The following LRP1B variants were observed in gnomAD, a reference collection of about 807,000 sequenced individuals.
The protein encoded by LRP1B is low-density lipoprotein receptor-related protein 1B.
Under a neutral mutation model 556.6 loss-of-function variants are expected in LRP1B, and 217 were observed. The observed-to-expected ratio is 0.39, with a 90% confidence interval of 0.35 to 0.44. The LOEUF (loss-of-function observed/expected upper bound fraction) is 0.44, where lower values mean the gene tolerates loss of function less well. Ranked by LOEUF, LRP1B falls within the 20% of genes least tolerant of loss-of-function variation. The pLI is 1.00. For missense variants in LRP1B, 5,053 were observed against 5,620.8 expected (o/e 0.90, Z 3.23); for synonymous variants, 2,047 against 1,865.8 (o/e 1.10, Z -2.50).
intron 2 of LRP1B, among the ~76,000 whole-genome samples, chr2:141,699,433 G>A (rs1443769216): frequency 2.6e-5 from 4 of 151,820 alleles, no homozygotes; most frequent in East Asian, 1.9e-4. Context: ...TGTTGATAGT[G>A]AACCCAATGA....
At chr2:141,441,337 C>T (rs1024155993) in intron 3 of LRP1B, among the ~76,000 whole-genome samples, 10 of 152,124 alleles carry the variant, frequency 6.6e-5, no homozygotes, top group South Asian at 2.1e-4. Flanking sequence ...CTCGGCCTCC[C>T]AAAGTGCTGG....
intron 84 of LRP1B, among the ~76,000 whole-genome samples, chr2:140,281,962 A>T (rs1682932335): frequency 6.6e-6 from 1 of 151,156 alleles, no homozygotes; most frequent in African/African-American, 2.4e-5. Flanking sequence ...TAAACTTTTG[A>T]TGAATACTTA....
intron 7 of LRP1B, among the ~76,000 whole-genome samples, chr2:141,134,180 G>A (rs995404210): frequency 6.6e-6 from 1 of 151,462 alleles, no homozygotes; most frequent in Non-Finnish European, 1.5e-5. Context: ...CCTCTGCTTG[G>A]CTCCTCATCT....
intron 83 of LRP1B, among the ~76,000 whole-genome samples, chr2:140,305,243 G>A (rs1451507943): frequency 6.6e-6 from 1 of 152,132 alleles, no homozygotes; most frequent in Non-Finnish European, 1.5e-5. Flanking sequence ...AAATTACCTT[G>A]GGCAGTATGG....
At chr2:140,520,138 T>C (rs1690096169) in intron 49 of LRP1B, among the ~76,000 whole-genome samples, 1 of 152,202 alleles carries the variant, frequency 6.6e-6, no homozygotes, top group South Asian at 2.1e-4. Context: ...ATCATGCTAC[T>C]ATAAACACAC....
chr2:141,473,361 A>G (rs916109705), intron 3 of LRP1B, among the ~76,000 whole-genome samples: 2 of 152,138 alleles, frequency 1.3e-5, no homozygotes, highest in African/African-American at 4.8e-5. Context: ...GTCAATATAA[A>G]CAATAGTGGT....
chr2:140,323,742 T>C (rs1009703113), intron 81 of LRP1B, 151 bp downstream of exon 81: 1 of 393,972 alleles, frequency 2.5e-6, no homozygotes, highest in Non-Finnish European at 4.5e-6. Context: ...GTTTGGTAAG[T>C]TGAAAAAGTC....
At chr2:140,723,088 A>G (rs975879823) in intron 35 of LRP1B, among the ~76,000 whole-genome samples, 7 of 152,158 alleles carry the variant, frequency 4.6e-5, no homozygotes, top group African/African-American at 1.7e-4. Context: ...AGGGAAGTTT[A>G]TCATTTCATC....
At chr2:140,799,740 A>G (rs928137034) in intron 32 of LRP1B, among the ~76,000 whole-genome samples, 3 of 152,206 alleles carry the variant, frequency 2.0e-5, no homozygotes, top group African/African-American at 7.2e-5. Context: ...TTTCAAATCT[A>G]AACATCATGG....
Position 140,339,505 on chromosome 2 carries a change from T to C in LRP1B, c.11893-3667A>G, listed in dbSNP as rs188014041. On this transcript the variant is annotated intron_variant, in intron 77 of 90. Coordinates refer to ENST00000389484, the MANE Select transcript of LRP1B (RefSeq NM_018557.3). ...CTAAGAATAGAAAATTTGAGTTGTTTTATTAAAGTTAGTTATCTCCCAATG... is the reference window on the plus strand; with the variant it reads ...CTAAGAATAGAAAATTTGAGTTGTTCTATTAAAGTTAGTTATCTCCCAATG... Among the ~76,000 whole-genome samples, 399 of 151,830 alleles carry C rather than the reference T, an allele frequency of 2.6e-3. 1 individual carries two copies. Among genetic ancestry groups the C allele is most frequent in the African/African-American group, 9.4e-3 (391 of 41,516 alleles).
chr2:141,886,980 G>GGTTTTTTTTTTTTTTTTTTTTTTTTTTTT (rs1699140705), intron 1 of LRP1B, among the ~76,000 whole-genome samples: 1 of 26,344 alleles, frequency 3.8e-5, no homozygotes, highest in Non-Finnish European at 7.2e-5. Flanking sequence ...TTTTTTTTTT[G>GGTTTTTTTTTTTTTTTTTTTTTTTTTTTT]GGTTTTTTGT....
At chr2:141,905,804 T>TGTGG (rs1339360329) in intron 1 of LRP1B, among the ~76,000 whole-genome samples, 1 of 146,902 alleles carries the variant, frequency 6.8e-6, no homozygotes, top group Non-Finnish European at 1.5e-5. Context: ...TGTGTGTGTG[T>TGTGG]GGCTAGGTGT....
intron 27 of LRP1B, among the ~76,000 whole-genome samples, chr2:140,858,610 G>A (rs892681125): frequency 6.6e-6 from 1 of 151,942 alleles, no homozygotes; most frequent in Admixed American, 6.6e-5. Context: ...GGGTACATGT[G>A]TAGGATGTGC....
intron 1 of LRP1B, among the ~76,000 whole-genome samples, chr2:141,885,307 G>A (rs1699075763): frequency 6.6e-6 from 1 of 152,102 alleles, no homozygotes; most frequent in Non-Finnish European, 1.5e-5. Flanking sequence ...TGCTGATGTA[G>A]GAATTGCTAT....
intron 32 of LRP1B, among the ~76,000 whole-genome samples, chr2:140,800,190 T>C (rs972438800): frequency 7.2e-5 from 11 of 151,936 alleles, no homozygotes; most frequent in Admixed American, 5.2e-4. Flanking sequence ...TAGGTGGGAA[T>C]TGAACAGTGA....
intron 42 of LRP1B, among the ~76,000 whole-genome samples, chr2:140,599,307 T>A (rs1682562282): frequency 6.6e-6 from 1 of 152,166 alleles, no homozygotes; most frequent in African/African-American, 2.4e-5. Flanking sequence ...AAATTCTGCC[T>A]TCTCTTTTGT....
At chr2:140,265,287 T>A (rs796280994) in intron 86 of LRP1B, among the ~76,000 whole-genome samples, 19 of 140,846 alleles carry the variant, frequency 1.3e-4, no homozygotes, top group Admixed American at 3.7e-4. Flanking sequence ...TAGATTTTTT[T>A]AAAAAAACAT....
intron 2 of LRP1B, among the ~76,000 whole-genome samples, chr2:141,570,986 G>C (rs1686506993): frequency 6.6e-6 from 1 of 151,406 alleles, no homozygotes; most frequent in East Asian, 1.9e-4. Context: ...TGGTAGTTCT[G>C]AGACATCCAG....
chr2:141,956,041 A>T (rs200374102), intron 1 of LRP1B, among the ~76,000 whole-genome samples: 2 of 59,190 alleles, frequency 3.4e-5, no homozygotes, highest in East Asian at 1.4e-3. Context: ...CACATCTCTT[A>T]AAAAAAAAAA....
Sources: allele counts gnomAD v4.1 joint callset (sites outside exome capture counted in the v4.1 genomes callset), GRCh38; gene constraint gnomAD v4.1.1; transcripts MANE v1.5; gene names NCBI Gene and HGNC (gene_info 2026-07-23, HGNC 2026-07-21).